Variants in SMC5 observed in about 807,000 individuals in gnomAD.
SMC5 encodes the protein structural maintenance of chromosomes protein 5.
SMC5 carries 88 observed loss-of-function variants against 148.3 expected under a neutral mutation model. The ratio of observed to expected loss-of-function variants is 0.59; its 90% CI spans 0.50 to 0.71. The LOEUF (loss-of-function observed/expected upper bound fraction) is 0.71, where lower values mean the gene tolerates loss of function less well. Among genes scored for constraint, SMC5 ranks in the 30% least tolerant of loss-of-function variants. SMC5 has a pLI of 0.00. For synonymous variants in SMC5, 421 were observed against 432.8 expected, an observed-to-expected ratio of 0.97 and a Z score of 0.34; for missense variants, 1,142 against 1,298.9, an observed-to-expected ratio of 0.88 and a Z score of 1.86.
At chr9:70,328,049 A>G (rs1313238091) in intron 17 of SMC5, among the ~76,000 whole-genome samples, 2 of 152,256 alleles carry the variant, frequency 1.3e-5, no homozygotes, top group Middle Eastern at 3.4e-3. Context: ...TATCACAAGA[A>G]CTACAAGGGG....
chr9:70,286,246 A>C lies in SMC5; in HGVS notation c.1028A>C (p.Asp343Ala). Residue 343 changes from aspartate (D) to alanine (A), a missense_variant, in exon 8 of 25, where the codon GAT (aspartate) becomes GCT (alanine). Around this residue, in one of 5 missense-constraint regions of SMC5, gnomAD observed 743 missense variants for 835.7 expected, o/e 0.89. Coordinates refer to ENST00000361138, the MANE Select transcript of SMC5 (RefSeq NM_015110.4). Reference sequence around the variant, plus strand: ...TCTCAAAAATGCAAACAGAAGCAAGATGTTATAGAAAGGAAAGATAAACAT... The same window carrying C: ...TCTCAAAAATGCAAACAGAAGCAAGCTGTTATAGAAAGGAAAGATAAACAT... Reference protein sequence around the residue: ...EASQKCKQKQDVIERKDKHIE... With the variant: ...EASQKCKQKQAVIERKDKHIE... The C allele has an allele frequency of 6.3e-7, 1 of 1,593,708 alleles. No homozygotes were observed. Among genetic ancestry groups the C allele is most frequent in the Non-Finnish European group, 8.6e-7 (1 of 1,167,908 alleles).
intron 10 of SMC5, among the ~76,000 whole-genome samples, chr9:70,303,980 C>G (rs1345065641): frequency 2.6e-5 from 4 of 152,186 alleles, no homozygotes; most frequent in Non-Finnish European, 5.9e-5. Context: ...AGTTATTCAT[C>G]TGCAATAAAT....
At chr9:70,273,454 A>G (rs182366816) in intron 3 of SMC5, among the ~76,000 whole-genome samples, 17 of 151,940 alleles carry the variant, frequency 1.1e-4, no homozygotes, top group African/African-American at 3.9e-4. Flanking sequence ...GTTTTTTTCA[A>G]TGAACTAACT....
chr9:70,323,558 A>C lies in SMC5; in HGVS notation c.2226A>C (p.Ile742=). ...AAGCAAGTACCAAAATCAAAGAAAT[A>C]AATGTTCAAAAAGCGAAACTTGTTA... ...ERKASTKIKE[I]NVQKAKLVTE... Residue 742 remains isoleucine, a synonymous_variant, in exon 16 of 25, where the codon ATA becomes ATC. Coordinates refer to ENST00000361138, the MANE Select transcript of SMC5 (RefSeq NM_015110.4). 6.2e-7 allele frequency: 1 copy of C among 1,612,884 alleles called. No individual in the cohort carries two copies. The highest frequency in any genetic ancestry group is 8.5e-7 in the Non-Finnish European group (1 of 1,179,492).
At chr9:70,340,288 C>CT (rs139145458) in intron 17 of SMC5, among the ~76,000 whole-genome samples, 3,847 of 147,366 alleles carry the variant, frequency 0.026, 109 homozygotes, top group South Asian at 0.072. Flanking sequence ...TCAGAGGAGA[C>CT]TTTTTTTTTT....
At chr9:70,349,140 C>T (rs2036742792) in intron 22 of SMC5, among the ~76,000 whole-genome samples, 1 of 152,212 alleles carries the variant, frequency 6.6e-6, no homozygotes, top group Non-Finnish European at 1.5e-5. Flanking sequence ...AATCTTGGCT[C>T]ACTGCAACCT....
chr9:70,272,552 A>G (rs1001643074), intron 3 of SMC5, among the ~76,000 whole-genome samples: 6 of 152,102 alleles, frequency 3.9e-5, no homozygotes, highest in Non-Finnish European at 7.4e-5. Context: ...ATCTCCACAC[A>G]CACACAAAAA....
chr9:70,327,312 A>G (rs2036106061), intron 17 of SMC5, among the ~76,000 whole-genome samples: 1 of 152,218 alleles, frequency 6.6e-6, no homozygotes, highest in African/African-American at 2.4e-5. Flanking sequence ...GCCTACATGA[A>G]GAATCGTATA....
intron 2 of SMC5, among the ~76,000 whole-genome samples, chr9:70,265,965 T>A (rs888944715): frequency 6.6e-6 from 1 of 152,126 alleles, no homozygotes; most frequent in East Asian, 1.9e-4. Context: ...AAAATTAGAC[T>A]ACAAAAGATT....
intron 2 of SMC5, among the ~76,000 whole-genome samples, 191 bp from the exon 3 acceptor site, chr9:70,267,732 G>A (rs2034329665): frequency 1.3e-5 from 2 of 152,114 alleles, no homozygotes; most frequent in Non-Finnish European, 2.9e-5. Context: ...TATTATTATT[G>A]TTGTTATTTG....
chr9:70,295,471 A>G (rs1417766110), intron 8 of SMC5, among the ~76,000 whole-genome samples: 6 of 93,398 alleles, frequency 6.4e-5, no homozygotes, highest in Non-Finnish European at 1.4e-4. Flanking sequence ...ACCCTGTCTC[A>G]AAAAAAAAAA....
At chr9:70,350,664 G>A (rs1230821215) in intron 24 of SMC5, among the ~76,000 whole-genome samples, 193 bp downstream of exon 24, 1 of 152,110 alleles carries the variant, frequency 6.6e-6, no homozygotes, top group Non-Finnish European at 1.5e-5. Context: ...AGAAAGGTAG[G>A]AGGCATATTA....
chr9:70,294,308 C>G (rs1271608616), intron 8 of SMC5, among the ~76,000 whole-genome samples: 3 of 152,006 alleles, frequency 2.0e-5, no homozygotes, highest in African/African-American at 7.2e-5. Context: ...GTTTTGAGTG[C>G]CTGTTTAAGT....
chr9:70,289,213 T>C (rs1443557579), intron 8 of SMC5, among the ~76,000 whole-genome samples: 1 of 152,124 alleles, frequency 6.6e-6, no homozygotes, highest in East Asian at 1.9e-4. Flanking sequence ...AATTTTTGTA[T>C]TTTTAATAGA....
intron 12 of SMC5, 147 bp from the exon 13 acceptor site, chr9:70,315,299 T>A: frequency 2.8e-6 from 1 of 357,176 alleles, no homozygotes; most frequent in South Asian, 7.8e-5. Flanking sequence ...CATATGTGAT[T>A]TTAAAATATA....
At chr9:70,267,482 G>A (rs939287155) in intron 2 of SMC5, among the ~76,000 whole-genome samples, 8 of 152,104 alleles carry the variant, frequency 5.3e-5, no homozygotes, top group South Asian at 2.1e-4. Flanking sequence ...TTTAACCTGC[G>A]CGACTGTAGG....
Position 70,351,735 on chromosome 9 carries a change from G to A in SMC5, c.3166-456G>A, listed in dbSNP as rs2036808206. 4.6e-5 allele frequency among the ~76,000 whole-genome samples: 7 copies of A among 152,050 alleles called. No homozygotes were observed. The South Asian group carries it at 1.2e-3, about 27-fold the overall frequency. ...GCTACAGGTATGCTAATTTAGGTAA[G>A]GATTACAGTCTGGCAAGGTTTATAT... is the stretch of plus-strand genomic sequence containing the variant. On this transcript the variant is annotated intron_variant, in intron 24 of 24. Transcript: ENST00000361138.
intron 8 of SMC5, among the ~76,000 whole-genome samples, chr9:70,289,042 G>A (rs897781243): frequency 6.6e-6 from 1 of 151,942 alleles, no homozygotes; most frequent in African/African-American, 2.4e-5. Context: ...TGTTGTTGTT[G>A]TTGTTGTTGT....
At chr9:70,259,598 A>G (rs2034033934) in intron 1 of SMC5, among the ~76,000 whole-genome samples, 1 of 152,212 alleles carries the variant, frequency 6.6e-6, no homozygotes, top group East Asian at 1.9e-4. Flanking sequence ...TGGAATTCAC[A>G]GAAGTATTGT....
Sources: allele counts gnomAD v4.1 joint callset (sites outside exome capture counted in the v4.1 genomes callset), GRCh38; gene constraint gnomAD v4.1.1; regional missense constraint gnomAD v4.1.1; transcripts MANE v1.5; gene names NCBI Gene and HGNC (gene_info 2026-07-23, HGNC 2026-07-21).